The following POGLUT2 variants were observed in gnomAD, a reference collection of about 807,000 sequenced individuals.
POGLUT2 encodes the protein ER protein 58.
Under a neutral mutation model 57.6 loss-of-function variants are expected in POGLUT2, and 47 were observed. The observed-to-expected ratio is 0.82, with a 90% CI of 0.65 to 1.04. The LOEUF (loss-of-function observed/expected upper bound fraction) is 1.04. POGLUT2 is among the 50% of genes least tolerant of loss of function. The probability of loss-of-function intolerance (pLI) is 0.00; values close to 1 mark genes in which losing one functional copy is unlikely to be tolerated. For missense variants in POGLUT2, 565 were observed against 614.8 expected (o/e 0.92, Z 0.86); for synonymous variants, 200 against 218.8 (o/e 0.91, Z 0.76).
At chr13:102,786,423 TG>T in intron 8 of POGLUT2, 84 bp from the exon 9 acceptor site, 2 of 886,224 alleles carry the variant, frequency 2.3e-6, no homozygotes, top group Non-Finnish European at 3.8e-6. Flanking sequence ...ATGAAGACTA[TG>T]ATTCATTTAA....
Position 102,784,482 on chromosome 13 carries a change from G to T in POGLUT2, c.*13C>A. 1 of 1,516,628 alleles carries T rather than the reference G, an allele frequency of 6.6e-7. No individual in the cohort carries two copies. Among genetic ancestry groups the T allele is most frequent in the Non-Finnish European group, 9.1e-7 (1 of 1,100,084 alleles). The allele number at this position is 1,516,628 out of a possible 1,614,324, so 93.9% of individuals were successfully genotyped here. A position where few individuals can be genotyped will look rare whatever the true frequency, so the allele number is the denominator to read the frequency against. The stretch of plus-strand genomic sequence containing the variant: ...TCAGAGCACCATTATTCTAATAGAA[G>T]TTATTTTGCATATCAGAGTTCATCT... On this transcript the variant is annotated 3_prime_UTR_variant, in exon 10 of 10. Coordinates refer to ENST00000376004, the MANE Select transcript of POGLUT2 (RefSeq NM_024089.3).
At chr13:102,788,970 G>A (rs756109365) in intron 7 of POGLUT2, 42 bp downstream of exon 7, 1 of 1,486,672 alleles carries the variant, frequency 6.7e-7, no homozygotes, top group South Asian at 1.1e-5. Context: ...CCATGATATT[G>A]GGAAACAAGT....
intron 8 of POGLUT2, among the ~76,000 whole-genome samples, chr13:102,787,603 T>C (rs1447227120): frequency 2.0e-5 from 3 of 152,242 alleles, no homozygotes; most frequent in South Asian, 2.1e-4. Flanking sequence ...AGACATCACA[T>C]AGTTCTAATA....
chr13:102,785,678 G>A (rs193216544), intron 9 of POGLUT2, among the ~76,000 whole-genome samples: 2 of 152,224 alleles, frequency 1.3e-5, no homozygotes, highest in African/African-American at 4.8e-5. Flanking sequence ...GCTCAGTTTT[G>A]TTAACCATAA....
Position 102,797,014 on chromosome 13 carries a change from G to A in POGLUT2, c.183-5C>T. ...TCGCCTGGAGAAGATGTGAATCTGTGATGAAAAGGCAATGGGGGAGATAAA... is the reference window on the plus strand; with the variant it reads ...TCGCCTGGAGAAGATGTGAATCTGTAATGAAAAGGCAATGGGGGAGATAAA... On this transcript the variant is annotated splice_region_variant and splice_polypyrimidine_tract_variant and intron_variant, in intron 1 of 9. Coordinates refer to ENST00000376004, the MANE Select transcript of POGLUT2 (RefSeq NM_024089.3). The A allele has an allele frequency of 6.2e-7, 1 of 1,606,986 alleles. No homozygotes were observed. Among genetic ancestry groups the A allele is most frequent in the Non-Finnish European group, 8.5e-7 (1 of 1,174,836 alleles).
chr13:102,789,056 C>A lies in POGLUT2; in HGVS notation c.1249G>T (p.Asp417Tyr), dbSNP rs558079300. The change falls in exon 7 of 10, where the codon GAT (aspartate) becomes TAT (tyrosine). Residue 417 changes from aspartate (D) to tyrosine (Y), a missense_variant. Physicochemically the swap from Asp to Tyr is radical, Grantham distance 160. Transcript: ENST00000376004. Reference sequence around the variant, plus strand: ...GCCCATTTAAGTTTTTCTAGCAGATCGCTCAGGTTGCTCTTAACTGGAATG... The same window carrying A: ...GCCCATTTAAGTTTTTCTAGCAGATAGCTCAGGTTGCTCTTAACTGGAATG... ...HYIPVKSNLSDLLEKLKWAKD... is the reference protein window; with the variant it reads ...HYIPVKSNLSYLLEKLKWAKD... The A allele has an allele frequency of 1.2e-5, 19 of 1,614,050 alleles. No individual in the cohort carries two copies. Among genetic ancestry groups the A allele is most frequent in the Non-Finnish European group, 1.4e-5 (16 of 1,180,032 alleles).
intron 1 of POGLUT2, among the ~76,000 whole-genome samples, chr13:102,798,066 T>C (rs1878502269): frequency 6.6e-6 from 1 of 152,230 alleles, no homozygotes; most frequent in Non-Finnish European, 1.5e-5. Flanking sequence ...GTACTTCATT[T>C]TTCTTTTTCA....
intron 8 of POGLUT2, 46 bp downstream of exon 8, chr13:102,787,788 A>C (rs766885139): frequency 4.2e-5 from 42 of 1,007,730 alleles, no homozygotes; most frequent in Middle Eastern, 4.4e-4. Flanking sequence ...TGTTCTTAAC[A>C]TGTCTACTTA....
In POGLUT2 at chr13:102,793,765, TA is replaced by T; in HGVS notation, c.429del (p.Asp143GlufsTer9). On this transcript the variant is annotated frameshift_variant, in exon 3 of 10. Transcript: ENST00000376004. LOFTEE classifies it high-confidence loss of function. ...TTCATCTCCCGTAGCCAGGCTGCACTATCTTGCAGAGGACAGTCACAGTTCT... is the reference window on the plus strand; with the variant it reads ...TTCATCTCCCGTAGCCAGGCTGCACTTCTTGCAGAGGACAGTCACAGTTCT... ...YHENCDCPLQ[D>X]SAAWLREMNC... 1.2e-6 allele frequency: 2 copies of T among 1,614,112 alleles called. No homozygotes were observed. Among genetic ancestry groups the T allele is most frequent in the Non-Finnish European group, 1.7e-6 (2 of 1,180,044 alleles).
At position 102,798,856 on chromosome 13, in the gene POGLUT2, TGCCCCGGCGCGCCCAG is replaced by T; in HGVS notation, c.-202_-187del. On this transcript the variant is annotated 5_prime_UTR_variant, in exon 1 of 10. The change abolishes the stop of an existing upstream ORF in the 5' untranslated region. Coordinates refer to ENST00000376004, the MANE Select transcript of POGLUT2 (RefSeq NM_024089.3). ...GCGACCCCAGGACAATCAAAGCCCG[TGCCCCGGCGCGCCCAG>T]GTGAGGGTCCCCTGGCGTTCTGCTG... 3.8e-6 allele frequency: 2 copies of T among 521,138 alleles called. No homozygotes were observed. The highest frequency in any genetic ancestry group is 7.9e-5 in the Admixed American group (2 of 25,316). 32.3% of individuals were successfully genotyped at this position (521,138 alleles called of 1,614,324 possible).
At chr13:102,790,642 C>T (rs978570613) in intron 6 of POGLUT2, among the ~76,000 whole-genome samples, 1 of 152,148 alleles carries the variant, frequency 6.6e-6, no homozygotes, top group East Asian at 1.9e-4. Flanking sequence ...GTGCTTATCT[C>T]AAGGGTTAGC....
intron 1 of POGLUT2, 129 bp downstream of exon 1, chr13:102,798,360 A>G: frequency 1.3e-6 from 1 of 794,798 alleles, no homozygotes; most frequent in East Asian, 2.7e-5. Flanking sequence ...CTACAGAGAA[A>G]AATGGGTAAC....
At position 102,784,322 on chromosome 13, in the gene POGLUT2, T is replaced by C. The variant is rs1877848487; in HGVS notation, c.*173A>G. On this transcript the variant is annotated 3_prime_UTR_variant, in exon 10 of 10. Transcript: ENST00000376004. The stretch of plus-strand genomic sequence containing the variant: ...TGGTTTTATTATAAAATTCTAAAAA[T>C]GTACTTTAAAGTACAGTCATGAGAA... 5 of 505,846 alleles carry C rather than the reference T, an allele frequency of 9.9e-6. No individual in the cohort carries two copies. The highest frequency in any genetic ancestry group is 1.8e-5 in the Non-Finnish European group (5 of 278,532). 31.3% of individuals were successfully genotyped at this position (505,846 alleles called of 1,614,324 possible). A position where few individuals can be genotyped will look rare whatever the true frequency, so the allele number is the denominator to read the frequency against.
chr13:102,791,949 T>C, intron 4 of POGLUT2: 2 of 1,259,164 alleles, frequency 1.6e-6, no homozygotes, highest in Non-Finnish European at 2.1e-6. Flanking sequence ...TTAGAGTATT[T>C]ACAAAACAAC....
At chr13:102,790,495 T>C (rs1878124591) in intron 6 of POGLUT2, among the ~76,000 whole-genome samples, 1 of 152,234 alleles carries the variant, frequency 6.6e-6, no homozygotes, top group South Asian at 2.1e-4. Context: ...TTTCACGTCA[T>C]TCCCCACCAG....
Position 102,791,101 on chromosome 13 carries a change from C to G in POGLUT2, c.883G>C (p.Gly295Arg). 1 of 1,614,106 alleles carries G rather than the reference C, an allele frequency of 6.2e-7. No individual in the cohort carries two copies. The highest frequency in any genetic ancestry group is 1.3e-5 in the African/African-American group (1 of 75,012). ...GAATTTTTGCTTTCCCAGGGAGGACCCGTGTTAGCTTGCACGGACATCATA... is the reference window on the plus strand; with the variant it reads ...GAATTTTTGCTTTCCCAGGGAGGACGCGTGTTAGCTTGCACGGACATCATA... ...LDMMSVQANT[G>R]PPWESKNSTA... The change falls in exon 6 of 10, where the codon GGT (glycine) becomes CGT (arginine). Residue 295 changes from glycine (G) to arginine (R), a missense_variant. Gly to Arg is a moderately radical substitution (Grantham distance 125, BLOSUM62 -2). Transcript: ENST00000376004.
intron 2 of POGLUT2, among the ~76,000 whole-genome samples, chr13:102,796,308 A>AAAAT (rs1555319532): frequency 4.5e-5 from 6 of 132,082 alleles, no homozygotes; most frequent in African/African-American, 1.5e-4. Context: ...AAAAAAAAAA[A>AAAAT]AAAATAAATA....
chr13:102,786,207 C>T (rs542659811), intron 9 of POGLUT2, 25 bp downstream of exon 9: 44 of 1,438,280 alleles, frequency 3.1e-5, no homozygotes, highest in Middle Eastern at 1.7e-4. Context: ...ACTCTGACAC[C>T]GGCCATAAGC....
At chr13:102,786,984 T>C (rs950143802) in intron 8 of POGLUT2, among the ~76,000 whole-genome samples, 1 of 152,102 alleles carries the variant, frequency 6.6e-6, no homozygotes, top group Admixed American at 6.6e-5. Flanking sequence ...AAACTCTTAC[T>C]CTAGATCTAG....
Sources: allele counts gnomAD v4.1 joint callset (sites outside exome capture counted in the v4.1 genomes callset), GRCh38; gene constraint gnomAD v4.1.1; transcripts MANE v1.5; gene names NCBI Gene and HGNC (gene_info 2026-07-23, HGNC 2026-07-21).